Variants in NLGN1 observed in about 807,000 individuals in gnomAD.
NLGN1 encodes the protein neuroligin-1.
NLGN1 carries 12 observed loss-of-function variants against 65.5 expected under a neutral mutation model. The ratio of observed to expected loss-of-function variants is 0.18; its 90% confidence interval spans 0.12 to 0.30. The LOEUF is 0.30. NLGN1 is among the 10% of genes least tolerant of loss of function. The probability of loss-of-function intolerance (pLI) is 1.00; values close to 1 mark genes in which losing one functional copy is unlikely to be tolerated. For synonymous variants in NLGN1, 350 were observed against 359.5 expected (o/e 0.97, Z 0.30); for missense variants, 750 against 1,007.1 (o/e 0.74, Z 3.46).
chr3:173,806,002 G>A (rs376698366), intron 3 of NLGN1, among the ~76,000 whole-genome samples: 2 of 152,166 alleles, frequency 1.3e-5, no homozygotes. Context: ...ATGTGTCTGT[G>A]TTTAGTGAAT....
chr3:174,184,832 AC>A (rs1731100136), intron 4 of NLGN1, among the ~76,000 whole-genome samples: 2 of 152,192 alleles, frequency 1.3e-5, no homozygotes, highest in South Asian at 4.1e-4. Flanking sequence ...GAAAAGTTCT[AC>A]CCAGACATGG....
At chr3:173,608,649 A>C (rs1751774555) in intron 3 of NLGN1, among the ~76,000 whole-genome samples, 2 of 151,742 alleles carry the variant, frequency 1.3e-5, no homozygotes, top group South Asian at 4.1e-4. Context: ...GTTTGGCCTT[A>C]ATTCTTTTTT....
chr3:174,102,678 G>T (rs1309273156), intron 4 of NLGN1, among the ~76,000 whole-genome samples: 3 of 152,160 alleles, frequency 2.0e-5, no homozygotes, highest in African/African-American at 7.2e-5. Context: ...CCTGGCTGTT[G>T]ACTGGTTGAT....
intron 2 of NLGN1, among the ~76,000 whole-genome samples, chr3:173,570,630 GCT>G (rs1415682114): frequency 6.6e-6 from 1 of 152,154 alleles, no homozygotes; most frequent in Non-Finnish European, 1.5e-5. Context: ...GGTGGCCAGA[GCT>G]CTTTGTCCCC....
intron 4 of NLGN1, among the ~76,000 whole-genome samples, chr3:174,220,340 A>T (rs192665578): frequency 6.6e-6 from 1 of 152,248 alleles, no homozygotes; most frequent in East Asian, 1.9e-4. Flanking sequence ...GAGATCTCCT[A>T]CAGAAGTGAA....
intron 4 of NLGN1, among the ~76,000 whole-genome samples, chr3:174,260,834 T>C (rs561515635): frequency 8.7e-5 from 13 of 150,260 alleles, no homozygotes; most frequent in African/African-American, 2.7e-4. Flanking sequence ...CGTTTAAGTC[T>C]TTAATCCATC....
intron 4 of NLGN1, among the ~76,000 whole-genome samples, chr3:174,098,203 T>C (rs1030772253): frequency 6.6e-6 from 1 of 152,222 alleles, no homozygotes; most frequent in African/African-American, 2.4e-5. Flanking sequence ...ACTATTTCCT[T>C]TGAGAGTTTC....
chr3:174,199,698 AT>A, intron 4 of NLGN1, among the ~76,000 whole-genome samples: 1 of 152,190 alleles, frequency 6.6e-6, no homozygotes, highest in Non-Finnish European at 1.5e-5. Flanking sequence ...CCTCATTATC[AT>A]TTTGGTGCCA....
intron 3 of NLGN1, among the ~76,000 whole-genome samples, chr3:173,654,787 C>G (rs1759728082): frequency 6.6e-6 from 1 of 152,086 alleles, no homozygotes; most frequent in Non-Finnish European, 1.5e-5. Flanking sequence ...GAGGATTCTT[C>G]AGGCAATTTG....
chr3:173,576,978 C>T (rs569741121), intron 2 of NLGN1, among the ~76,000 whole-genome samples: 1 of 152,260 alleles, frequency 6.6e-6, no homozygotes, highest in South Asian at 2.1e-4. Flanking sequence ...GGCACAACAG[C>T]TTCTCATCTG....
chr3:173,949,585 A>G (rs1747815707), intron 4 of NLGN1, among the ~76,000 whole-genome samples: 2 of 152,160 alleles, frequency 1.3e-5, no homozygotes, highest in African/African-American at 4.8e-5. Flanking sequence ...AATGTGATGA[A>G]TTGTTAAATA....
chr3:174,141,119 T>C (rs1722200272), intron 4 of NLGN1, among the ~76,000 whole-genome samples: 2 of 152,136 alleles, frequency 1.3e-5, no homozygotes, highest in South Asian at 4.1e-4. Context: ...TTTTCTTTAG[T>C]AATTAAGTAC....
intron 1 of NLGN1, among the ~76,000 whole-genome samples, chr3:173,414,133 A>G (rs1045980868): frequency 2.0e-5 from 3 of 152,168 alleles, no homozygotes; most frequent in Admixed American, 2.0e-4. Context: ...GGAGAGGGGC[A>G]TGTCTGGTAC....
chr3:173,481,575 A>G (rs958854550), intron 2 of NLGN1, among the ~76,000 whole-genome samples: 2 of 151,960 alleles, frequency 1.3e-5, no homozygotes, highest in Admixed American at 6.6e-5. Flanking sequence ...TAATATTTTC[A>G]TATGAATGTA....
At chr3:173,415,792 G>A (rs1261655637) in intron 1 of NLGN1, among the ~76,000 whole-genome samples, 4 of 151,916 alleles carry the variant, frequency 2.6e-5, no homozygotes, top group African/African-American at 7.3e-5. Flanking sequence ...AATCAGAGGA[G>A]CCTCTGCCAT....
At chr3:173,705,201 A>T (rs1767872966) in intron 3 of NLGN1, among the ~76,000 whole-genome samples, 1 of 152,154 alleles carries the variant, frequency 6.6e-6, no homozygotes. Context: ...TTTGTGACCT[A>T]CATCCTGTGG....
At chr3:174,213,081 C>G (rs1421151023) in intron 4 of NLGN1, among the ~76,000 whole-genome samples, 1 of 152,214 alleles carries the variant, frequency 6.6e-6, no homozygotes, top group Non-Finnish European at 1.5e-5. Context: ...TCCTTTGCCA[C>G]ATATGGTAGC....
At chr3:173,877,179 C>G (rs1732287529) in intron 4 of NLGN1, among the ~76,000 whole-genome samples, 1 of 152,080 alleles carries the variant, frequency 6.6e-6, no homozygotes. Flanking sequence ...ATAAAGTGAT[C>G]AAATTTAATT....
chr3:173,712,815 TA>T (rs35470843), intron 3 of NLGN1, among the ~76,000 whole-genome samples: 12 of 151,744 alleles, frequency 7.9e-5, no homozygotes, highest in African/African-American at 2.2e-4. Context: ...TTTTTAAAGA[TA>T]AAAAAATATA....
Sources: gnomAD v4.1 joint callset for allele counts (sites outside exome capture counted in the v4.1 genomes callset) on GRCh38, gnomAD v4.1.1 for gene constraint, MANE v1.5 for transcripts, NCBI Gene and HGNC (gene_info 2026-07-23, HGNC 2026-07-21) for gene names.